The following C10orf88 variants were observed in gnomAD, a reference collection of about 807,000 sequenced individuals.
C10orf88 encodes the protein ATPase PAAT.
C10orf88 carries 29 observed loss-of-function variants against 34.2 expected under a neutral mutation model. The ratio of observed to expected loss-of-function variants is 0.85; its 90% CI spans 0.63 to 1.16. The LOEUF (loss-of-function observed/expected upper bound fraction) is 1.16. C10orf88 is among the 50% of genes most tolerant of loss of function. The probability of loss-of-function intolerance (pLI) is 0.00; values close to 1 mark genes in which losing one functional copy is unlikely to be tolerated. For missense variants in C10orf88, 507 were observed against 533.2 expected (o/e 0.95, Z 0.48); for synonymous variants, 194 against 197.4 (o/e 0.98, Z 0.15).
intron 4 of C10orf88, among the ~76,000 whole-genome samples, chr10:122,947,157 C>G (rs531155160): frequency 4.6e-5 from 7 of 152,078 alleles, no homozygotes; most frequent in African/African-American, 1.4e-4. Context: ...CAGGTGAGAA[C>G]ATGGTGTGGG....
Sources: allele counts gnomAD v4.1 joint callset (sites outside exome capture counted in the v4.1 genomes callset), GRCh38; gene constraint gnomAD v4.1.1; transcripts MANE v1.5; gene names NCBI Gene and HGNC (gene_info 2026-07-23, HGNC 2026-07-21).